IVD: variants seen among roughly 807,000 people sequenced by gnomAD.
The protein encoded by IVD is isovaleryl-CoA dehydrogenase, also known as isovaleryl-CoA dehydrogenase, mitochondrial.
A neutral mutation model predicts 51.3 loss-of-function variants in IVD; 31 were observed. The ratio of observed to expected loss-of-function variants is 0.60; its 90% CI spans 0.45 to 0.81. IVD has a LOEUF of 0.81. Among genes scored for constraint, IVD ranks in the 40% least tolerant of loss-of-function variants. The pLI, the probability that IVD is intolerant of heterozygous loss-of-function variation, is 0.00. For missense variants in IVD, 475 were observed against 552.0 expected, an observed-to-expected ratio of 0.86 and a Z score of 1.40; for synonymous variants, 205 against 219.4, an observed-to-expected ratio of 0.93 and a Z score of 0.58.
In IVD at chr15:40,417,274, G is replaced by A. The variant is rs372041584; in HGVS notation, c.1139-856G>A. 3.5e-4 allele frequency among the ~76,000 whole-genome samples: 53 copies of A among 150,620 alleles called. 3 individuals are homozygous for A. Among genetic ancestry groups the A allele is most frequent in the African/African-American group, 1.2e-3 (50 of 40,978 alleles). On this transcript the variant is annotated intron_variant, in intron 11 of 11. Coordinates refer to ENST00000487418, the MANE Select transcript of IVD (RefSeq NM_002225.5). ...TGTAATCCCAGCACTTTGGGAGGCC[G>A]AGGCAGGTGGATCACCTGAGGTCAG...
In IVD at chr15:40,416,312, A is replaced by T. The variant is rs1282267401; in HGVS notation, c.1088A>T (p.Tyr363Phe). 5.0e-6 allele frequency: 8 copies of T among 1,613,954 alleles called. No homozygotes were observed. The Admixed American group carries it at 6.7e-5, about 13-fold the overall frequency. ...TAGGACTGTGCAGGTGTGATTCTTT[A>T]CTCAGCTGAGTGTGCCACACAGGTA... The part of the protein sequence containing the change: ...TAKDCAGVIL[Y>F]SAECATQVAL... Residue 363 changes from tyrosine to phenylalanine, a missense_variant, in exon 11 of 12, where the codon TAC (tyrosine) becomes TTC (phenylalanine). By Grantham distance (22) the Tyr-to-Phe change is conservative (BLOSUM62 3). Transcript: ENST00000487418.
At chr15:40,425,527 G>T (rs916387142), downstream of IVD, among the ~76,000 whole-genome samples, 3 of 148,340 alleles carry the variant, frequency 2.0e-5, no homozygotes, top group Admixed American at 6.7e-5. Context: ...TGTTTTCTTG[G>T]TTTTTTTGTT....
At chr15:40,429,656 C>T (rs770871903) in intron 7 of IVD, among the ~76,000 whole-genome samples, 30 of 152,154 alleles carry the variant, frequency 2.0e-4, no homozygotes, top group Non-Finnish European at 3.8e-4. Context: ...TCGCCCTCCA[C>T]CAACCTTATC....
In IVD at chr15:40,420,324, G is replaced by C. The variant is rs1892182577; in HGVS notation, c.*2061G>C. The stretch of plus-strand genomic sequence containing the variant: ...GCACAGGCCCTACCCGAGCAGGCCG[G>C]AGTTGGCTCGCATGACTCCAGCTGA... On this transcript the variant is annotated 3_prime_UTR_variant, in exon 12 of 12. Transcript: ENST00000487418. The C allele has an allele frequency of 4.1e-6, 4 of 987,572 alleles. No individual in the cohort carries two copies. The South Asian group carries it at 1.9e-4, about 46-fold the overall frequency. The allele number at this position is 987,572 out of a possible 1,614,324, so 61.2% of individuals were successfully genotyped here.
rs1892225925 is a variant in IVD at position 40,420,758 on chromosome 15, G to A, written c.*2495G>A. The A allele has an allele frequency of 1.0e-6, 1 of 985,696 alleles. No homozygotes were observed. Among genetic ancestry groups the A allele is most frequent in the Non-Finnish European group, 1.2e-6 (1 of 830,118 alleles). The allele number at this position is 985,696 out of a possible 1,614,324, so 61.1% of individuals were successfully genotyped here. Reference sequence around the variant, plus strand: ...AATTTGACTTTCTCAAGGTCAAAACGAACTAGAATCCAGATCTGCTCATGG... The same window carrying A: ...AATTTGACTTTCTCAAGGTCAAAACAAACTAGAATCCAGATCTGCTCATGG... On this transcript the variant is annotated 3_prime_UTR_variant, in exon 12 of 12. Transcript: ENST00000487418.
intron 11 of IVD, 140 bp from the exon 12 acceptor site, chr15:40,417,990 C>G: frequency 4.5e-5 from 49 of 1,090,694 alleles, no homozygotes; most frequent in Non-Finnish European, 5.9e-5. Flanking sequence ...TTCCCCACAC[C>G]CCTCCCTCTT....
rs1892009058 is a variant in IVD, at chr15:40,418,947, A to T, written c.*684A>T. 3 of 480,486 alleles carry T rather than the reference A, an allele frequency of 6.2e-6. No individual in the cohort carries two copies. The highest frequency in any genetic ancestry group is 6.2e-5 in the South Asian group (3 of 48,092). 29.8% of individuals were successfully genotyped at this position (480,486 alleles called of 1,614,324 possible). A position where few individuals can be genotyped will look rare whatever the true frequency, so the allele number is the denominator to read the frequency against. On this transcript the variant is annotated 3_prime_UTR_variant, in exon 12 of 12. Coordinates refer to ENST00000487418, the MANE Select transcript of IVD (RefSeq NM_002225.5). ...CAGGAGTTCAAGACCAGCCTGGCCA[A>T]CATGTGGAAACCTCGCCTCAACTAA...
At chr15:40,424,669 G>T (rs1285124517), downstream of IVD, among the ~76,000 whole-genome samples, 1 of 152,210 alleles carries the variant, frequency 6.6e-6, no homozygotes, top group Non-Finnish European at 1.5e-5. Flanking sequence ...CACAGTTCCT[G>T]GCATGTAATA....
chr15:40,433,704 T>C (rs1408659606), intron 7 of IVD: 1 of 362,212 alleles, frequency 2.8e-6, no homozygotes, highest in African/African-American at 2.1e-5. Context: ...TATTTATCCA[T>C]TCAGTTTCTA....
chr15:40,430,570 G>T (rs920707091), intron 7 of IVD, among the ~76,000 whole-genome samples: 2 of 152,204 alleles, frequency 1.3e-5, no homozygotes, highest in African/African-American at 4.8e-5. Flanking sequence ...GATGCGGGAG[G>T]CTGGGCTGTG....
rs74011152 is a variant in IVD at position 40,411,496 on chromosome 15, A to G, written c.551-59A>G. The G allele has an allele frequency of 2.7e-3, 4,271 of 1,610,530 alleles. 109 individuals carry two copies. The African/African-American group carries it at 0.049, about 18-fold the overall frequency. ...CAGCTTCTTGCTCAGCAGAAGGTCT[A>G]TGGCCTGGCTGAGACAGGCCAAGAT... On this transcript the variant is annotated intron_variant, in intron 5 of 11. Transcript: ENST00000487418.
intron 7 of IVD, among the ~76,000 whole-genome samples, chr15:40,431,111 G>A (rs1249935347): frequency 6.6e-6 from 1 of 151,484 alleles, no homozygotes; most frequent in African/African-American, 2.4e-5. Context: ...GTAAACCCTG[G>A]CTCCACTATT....
At chr15:40,427,578 A>C (rs1455611705), downstream of IVD, among the ~76,000 whole-genome samples, 3 of 152,186 alleles carry the variant, frequency 2.0e-5, no homozygotes, top group African/African-American at 7.2e-5. Flanking sequence ...AAAATCCCTT[A>C]GTTCATACTT....
chr15:40,420,225 C>T lies in IVD; in HGVS notation c.*1962C>T, dbSNP rs1337424887. ...GCTCCTCCTGTACAGCACCTCTGAGCCCTTGTGCACCGCCCTGCCACGGGC... is the reference window on the plus strand; with the variant it reads ...GCTCCTCCTGTACAGCACCTCTGAGTCCTTGTGCACCGCCCTGCCACGGGC... On this transcript the variant is annotated 3_prime_UTR_variant, in exon 12 of 12. Coordinates refer to ENST00000487418, the MANE Select transcript of IVD (RefSeq NM_002225.5). 1.0e-6 allele frequency: 1 copy of T among 986,638 alleles called. No individual in the cohort carries two copies. The highest frequency in any genetic ancestry group is 1.2e-6 in the Non-Finnish European group (1 of 830,190). 61.1% of individuals were successfully genotyped at this position (986,638 alleles called of 1,614,324 possible). A position where few individuals can be genotyped will look rare whatever the true frequency, so the allele number is the denominator to read the frequency against.
chr15:40,427,823 T>C (rs1000915652), downstream of IVD, among the ~76,000 whole-genome samples: 1 of 152,106 alleles, frequency 6.6e-6, no homozygotes, highest in African/African-American at 2.4e-5. Flanking sequence ...CCCTCCTTTC[T>C]TTCCAGAAGC....
At chr15:40,417,204 C>T (rs1424705101) in intron 11 of IVD, among the ~76,000 whole-genome samples, 2 of 87,798 alleles carry the variant, frequency 2.3e-5, no homozygotes, top group African/African-American at 4.7e-5. Context: ...AACTCCGTCT[C>T]GGAAAAAAAA....
At chr15:40,416,205 G>A (rs761689902) in intron 10 of IVD, 23 bp downstream of exon 10, 4 of 1,613,108 alleles carry the variant, frequency 2.5e-6, no homozygotes, top group Non-Finnish European at 1.7e-6. Flanking sequence ...CTCAGTCGGG[G>A]AGAGGCGGGG....
At chr15:40,430,506 A>G (rs1356492613) in intron 7 of IVD, among the ~76,000 whole-genome samples, 1 of 152,176 alleles carries the variant, frequency 6.6e-6, no homozygotes, top group Non-Finnish European at 1.5e-5. Context: ...TTTAAGCAGG[A>G]GAGTGCTATG....
chr15:40,406,403 T>A (rs1377049391), intron 1 of IVD: 2 of 1,210,640 alleles, frequency 1.7e-6, no homozygotes, highest in Non-Finnish European at 2.2e-6. Context: ...GTCTTTTTTG[T>A]ATAAACAGTT....
Sources: allele counts gnomAD v4.1 joint callset (sites outside exome capture counted in the v4.1 genomes callset), GRCh38; gene constraint gnomAD v4.1.1; transcripts MANE v1.5; gene names NCBI Gene and HGNC (gene_info 2026-07-23, HGNC 2026-07-21).